TXN: variants seen among roughly 807,000 people sequenced by gnomAD.
TXN encodes ADF.
Under a neutral mutation model 16.5 loss-of-function variants are expected in TXN, and 10 were observed. That is an observed-to-expected ratio of 0.61 (90% CI 0.37 to 1.03). The LOEUF is 1.03. Among genes scored for constraint, TXN ranks in the 50% least tolerant of loss-of-function variants. The pLI is 0.01. For missense variants in TXN, 71 were observed against 122.5 expected, an observed-to-expected ratio of 0.58 and a Z score of 1.98; for synonymous variants, 35 against 39.4, an observed-to-expected ratio of 0.89 and a Z score of 0.42.
In TXN at chr9:110,256,157, A is replaced by G. The variant is rs1266636361; in HGVS notation, c.24+255T>C. Among the ~76,000 whole-genome samples, 2 of 151,936 alleles carry G rather than the reference A, an allele frequency of 1.3e-5. No individual in the cohort carries two copies. Among genetic ancestry groups the G allele is most frequent in the African/African-American group, 4.8e-5 (2 of 41,374 alleles). ...GAACAGGGTGCGAGAAACGCTGGGC[A>G]CCGCCACTCCGCCCTCCAGGGGACC... On this transcript the variant is annotated intron_variant, in intron 1 of 4. Transcript: ENST00000374517. This position sits in a 1 kb window ranked among gnomAD's most constrained non-coding sequence, Gnocchi z 4.2.
chr9:110,245,650 ATATATT>A (rs1329420435), intron 3 of TXN, among the ~76,000 whole-genome samples: 133 of 24,590 alleles, frequency 5.4e-3, no homozygotes, highest in South Asian at 0.012. Flanking sequence ...ATATATATAT[ATATATT>A]TTTTTTTTTT....
intron 3 of TXN, 98 bp from the exon 4 acceptor site, chr9:110,244,941 T>G: frequency 3.5e-6 from 3 of 863,576 alleles, no homozygotes; most frequent in Non-Finnish European, 5.7e-6. Context: ...TTCCCTGTCA[T>G]GTACCCCACA....
chr9:110,250,743 G>GA, intron 3 of TXN, 77 bp downstream of exon 3: 5 of 1,132,684 alleles, frequency 4.4e-6, no homozygotes, highest in Admixed American at 4.5e-5. Flanking sequence ...CATATTTATG[G>GA]AAAAAAGCAC....
At chr9:110,253,101 G>A (rs187225887) in intron 1 of TXN, among the ~76,000 whole-genome samples, 29 of 149,194 alleles carry the variant, frequency 1.9e-4, no homozygotes, top group Non-Finnish European at 2.2e-4. Context: ...AAGAGGTCTC[G>A]TAAAGAAAGA....
At chr9:110,248,749 G>A (rs562716823) in intron 3 of TXN, among the ~76,000 whole-genome samples, 3 of 152,166 alleles carry the variant, frequency 2.0e-5, no homozygotes, top group Admixed American at 6.5e-5. Flanking sequence ...AAAAATACTC[G>A]TATAGTTATC....
intron 3 of TXN, 44 bp downstream of exon 3, chr9:110,250,776 C>A: frequency 7.0e-7 from 1 of 1,426,886 alleles, no homozygotes; most frequent in South Asian, 1.2e-5. Context: ...AGAAAAAGGC[C>A]AATGTGAAAA....
At chr9:110,247,363 T>C (rs1401164524) in intron 3 of TXN, among the ~76,000 whole-genome samples, 4 of 147,942 alleles carry the variant, frequency 2.7e-5, no homozygotes, top group African/African-American at 1.0e-4. Context: ...GTGATCAGGG[T>C]GCACCAAGCA....
intron 1 of TXN, among the ~76,000 whole-genome samples, chr9:110,255,292 C>T (rs974059983): frequency 6.6e-6 from 1 of 152,234 alleles, no homozygotes; most frequent in Non-Finnish European, 1.5e-5. Flanking sequence ...GTATCAATTT[C>T]CTCCACTCAC....
intron 1 of TXN, among the ~76,000 whole-genome samples, chr9:110,255,932 A>G (rs1837803590): frequency 6.6e-6 from 1 of 152,096 alleles, no homozygotes; most frequent in Admixed American, 6.5e-5. Flanking sequence ...TGCCTTCTGC[A>G]AGGGCCCTCC....
intron 3 of TXN, among the ~76,000 whole-genome samples, chr9:110,249,898 C>A (rs182348960): frequency 6.6e-6 from 1 of 152,158 alleles, no homozygotes; most frequent in African/African-American, 2.4e-5. Context: ...CCAGGTCCAG[C>A]GCCTCTGTTG....
intron 4 of TXN, 78 bp from the exon 5 acceptor site, chr9:110,244,297 A>ATT: frequency 2.0e-6 from 1 of 495,946 alleles, no homozygotes; most frequent in Non-Finnish European, 3.2e-6. Context: ...ATAAATATGT[A>ATT]TTTATATATA....
chr9:110,246,245 CTAACATCGCAAATTGGGCTAGTTGATCCG>C (rs1278822463), intron 3 of TXN, among the ~76,000 whole-genome samples: 13 of 152,150 alleles, frequency 8.5e-5, no homozygotes, highest in African/African-American at 2.9e-4. Flanking sequence ...CGACAAATTC[CTAACATCGCAAATTGGGCTAGTTGATCCG>C]TATTTTCTCC....
chr9:110,251,486 A>G (rs1247540704), intron 1 of TXN, 24 bp from the exon 2 acceptor site: 2 of 1,399,484 alleles, frequency 1.4e-6, no homozygotes, highest in East Asian at 4.8e-5. Context: ...AAAAGCTTAT[A>G]TTAAATAAAT....
At chr9:110,249,931 C>A (rs1036649153) in intron 3 of TXN, among the ~76,000 whole-genome samples, 1 of 152,168 alleles carries the variant, frequency 6.6e-6, no homozygotes, top group Non-Finnish European at 1.5e-5. Flanking sequence ...CTTCCCCCAT[C>A]GCCTTTCCTT....
At chr9:110,247,944 C>G (rs1837679202) in intron 3 of TXN, among the ~76,000 whole-genome samples, 1 of 152,028 alleles carries the variant, frequency 6.6e-6, no homozygotes, top group African/African-American at 2.4e-5. Flanking sequence ...GGATGGGAGA[C>G]AGTGATACTG....
intron 4 of TXN, 97 bp from the exon 5 acceptor site, chr9:110,244,316 CATATGTATAT>C: frequency 3.0e-6 from 1 of 338,518 alleles, no homozygotes; most frequent in Non-Finnish European, 5.1e-6. Flanking sequence ...TATACATATA[CATATGTATAT>C]ATATACATAT....
At chr9:110,251,206 T>C (rs1197698381) in intron 2 of TXN, 152 bp downstream of exon 2, 2 of 663,942 alleles carry the variant, frequency 3.0e-6, no homozygotes, top group African/African-American at 1.8e-5. Flanking sequence ...ACCTAAATTA[T>C]TTGTTATACT....
Position 110,256,476 on chromosome 9 carries a change from G to A in TXN, c.-41C>T, listed in dbSNP as rs768181134. 4 of 1,593,998 alleles carry A rather than the reference G, an allele frequency of 2.5e-6. No homozygotes were observed. The highest frequency in any genetic ancestry group is 2.3e-5 in the East Asian group (1 of 43,752). ...CTGACGAGCGGCTGTAAGGACCGAT[G>A]GAAATGGATCCAAAGCACCAAACAG... On this transcript the variant is annotated 5_prime_UTR_variant, in exon 1 of 5. Coordinates refer to ENST00000374517, the MANE Select transcript of TXN (RefSeq NM_003329.4). The surrounding 1 kb of genome is among the most constrained non-coding windows in gnomAD (Gnocchi z 4.2).
chr9:110,244,517 TAAC>T (rs1321773302), intron 4 of TXN, among the ~76,000 whole-genome samples: 1 of 152,072 alleles, frequency 6.6e-6, no homozygotes, highest in African/African-American at 2.4e-5. Context: ...ACACAATACT[TAAC>T]AACAAATGAA....
Sources: allele counts gnomAD v4.1 joint callset (sites outside exome capture counted in the v4.1 genomes callset), GRCh38; gene constraint gnomAD v4.1.1; non-coding constraint Gnocchi (gnomAD v3.1); transcripts MANE v1.5; gene names NCBI Gene and HGNC (gene_info 2026-07-23, HGNC 2026-07-21).